DDX10: variants seen among roughly 807,000 people sequenced by gnomAD.
The protein encoded by DDX10 is DEAD-box helicase 10.
Under a neutral mutation model 104.3 loss-of-function variants are expected in DDX10, and 74 were observed. The observed-to-expected ratio is 0.71, with a 90% CI of 0.59 to 0.86. The LOEUF is 0.86. Among genes scored for constraint, DDX10 ranks in the 40% least tolerant of loss-of-function variants. The pLI is 0.00. For synonymous variants in DDX10, 351 were observed against 353.4 expected, an observed-to-expected ratio of 0.99 and a Z score of 0.08; for missense variants, 952 against 1,040.0, an observed-to-expected ratio of 0.92 and a Z score of 1.16.
chr11:108,832,483 T>C (rs1862486004), intron 13 of DDX10, among the ~76,000 whole-genome samples: 1 of 152,152 alleles, frequency 6.6e-6, no homozygotes, highest in Non-Finnish European at 1.5e-5. Flanking sequence ...CTTGATAAAT[T>C]AAATGCCAGG....
At chr11:108,748,406 C>T (rs1355548647) in intron 13 of DDX10, among the ~76,000 whole-genome samples, 3 of 152,196 alleles carry the variant, frequency 2.0e-5, no homozygotes, top group African/African-American at 7.2e-5. Flanking sequence ...CATTGAAGAT[C>T]TGGACAACAC....
intron 16 of DDX10, among the ~76,000 whole-genome samples, chr11:108,886,089 T>G (rs1403048020): frequency 6.6e-6 from 1 of 152,176 alleles, no homozygotes; most frequent in African/African-American, 2.4e-5. Flanking sequence ...AATTTACCCA[T>G]GTATAATACC....
Position 108,838,525 on chromosome 11 carries a change from T to G in DDX10, c.2045T>G (p.Phe682Cys), listed in dbSNP as rs1862592215. The change falls in exon 14 of 18, where the codon TTT (phenylalanine) becomes TGT (cysteine). Residue 682 changes from phenylalanine to cysteine, a missense_variant. This residue lies in a region of DDX10 where 533 missense variants were observed against 534.1 expected (regional missense o/e 1.00). Coordinates refer to ENST00000322536, the MANE Select transcript of DDX10 (RefSeq NM_004398.4). ...AEAKKVMKRN[F>C]KVNKKITFTD... The stretch of plus-strand genomic sequence containing the variant: ...GCAAAAAAAGTAATGAAGAGAAATT[T>G]TAAAGTGAATAAGAAGATAACATTT... The G allele has an allele frequency of 1.2e-6, 2 of 1,612,558 alleles. No homozygotes were observed. The highest frequency in any genetic ancestry group is 1.7e-6 in the Non-Finnish European group (2 of 1,179,322).
intron 13 of DDX10, among the ~76,000 whole-genome samples, chr11:108,811,403 G>A (rs1862178140): frequency 6.6e-6 from 1 of 152,140 alleles, no homozygotes. Flanking sequence ...TGGGGCACAG[G>A]TAAGGAAGGA....
chr11:108,924,931 G>A (rs2134670344), intron 17 of DDX10, among the ~76,000 whole-genome samples: 1 of 152,280 alleles, frequency 6.6e-6, no homozygotes, highest in African/African-American at 2.4e-5. Context: ...ATCTCATTGT[G>A]TGTAGAAAAT....
In DDX10 at chr11:108,723,318, T is replaced by A. The variant is rs1467410689; in HGVS notation, c.1821T>A (p.Leu607=). Reference sequence around the variant, plus strand: ...CAAAAGGATCTCAAGCCCCATCTCTTCCTAACACCAGTGAGGCACAGAAGA... The same window carrying A: ...CAAAAGGATCTCAAGCCCCATCTCTACCTAACACCAGTGAGGCACAGAAGA... ...AKAKGSQAPS[L]PNTSEAQKIK... is the part of the protein sequence containing the mutation. Residue 607 remains leucine (L), a synonymous_variant, in exon 13 of 18, where the codon CTT becomes CTA. Transcript: ENST00000322536. 1.2e-6 allele frequency: 2 copies of A among 1,613,954 alleles called. No individual in the cohort carries two copies. Among genetic ancestry groups the A allele is most frequent in the South Asian group, 1.1e-5 (1 of 91,074 alleles).
intron 13 of DDX10, among the ~76,000 whole-genome samples, chr11:108,772,817 C>T (rs1213149949): frequency 6.6e-6 from 1 of 152,194 alleles, no homozygotes. Context: ...GTTGCACATC[C>T]TTATGAGAAT....
intron 16 of DDX10, among the ~76,000 whole-genome samples, chr11:108,864,053 G>T (rs921344292): frequency 2.6e-5 from 4 of 152,196 alleles, no homozygotes; most frequent in African/African-American, 9.6e-5. Flanking sequence ...AACAGTAGTG[G>T]TGTTGCCTGC....
intron 13 of DDX10, among the ~76,000 whole-genome samples, chr11:108,765,681 T>C (rs2094355606): frequency 1.3e-5 from 2 of 152,372 alleles, no homozygotes; most frequent in Admixed American, 6.5e-5. Context: ...TGACACTTGC[T>C]CATGCACTTT....
intron 9 of DDX10, among the ~76,000 whole-genome samples, chr11:108,694,383 ATCTTGTGC>A (rs902147328): frequency 2.6e-5 from 4 of 152,174 alleles, no homozygotes; most frequent in Non-Finnish European, 5.9e-5. Flanking sequence ...TCTAGTCTAG[ATCTTGTGC>A]TCTTACCTTC....
At chr11:108,905,949 T>G (rs1192840297) in intron 16 of DDX10, among the ~76,000 whole-genome samples, 1 of 152,186 alleles carries the variant, frequency 6.6e-6, no homozygotes, top group African/African-American at 2.4e-5. Flanking sequence ...GGGATGGTAC[T>G]AAACCATTCA....
chr11:108,877,771 G>A (rs1239588315), intron 16 of DDX10, among the ~76,000 whole-genome samples: 3 of 152,274 alleles, frequency 2.0e-5, no homozygotes, highest in South Asian at 2.1e-4. Flanking sequence ...GGAGAATTTT[G>A]TCTTGGTAAG....
At chr11:108,927,288 A>G (rs184209468) in intron 17 of DDX10, among the ~76,000 whole-genome samples, 2 of 152,306 alleles carry the variant, frequency 1.3e-5, no homozygotes, top group African/African-American at 2.4e-5. Flanking sequence ...TCAATCCCCT[A>G]TTTTGTAATT....
chr11:108,828,208 T>C (rs1238778161), intron 13 of DDX10, among the ~76,000 whole-genome samples: 1 of 152,232 alleles, frequency 6.6e-6, no homozygotes, highest in Non-Finnish European at 1.5e-5. Flanking sequence ...TTTATTTACA[T>C]GAATAGGTTC....
intron 16 of DDX10, among the ~76,000 whole-genome samples, chr11:108,911,478 C>G (rs1863676653): frequency 6.7e-6 from 1 of 150,068 alleles, no homozygotes; most frequent in Non-Finnish European, 1.5e-5. Flanking sequence ...CCTCAGACCT[C>G]TTGTAAGGGC....
At chr11:108,668,177 A>G (rs931513049) in intron 1 of DDX10, among the ~76,000 whole-genome samples, 4 of 152,210 alleles carry the variant, frequency 2.6e-5, no homozygotes, top group Non-Finnish European at 5.9e-5. Flanking sequence ...ACTCACCACA[A>G]ATAACCCTGT....
intron 13 of DDX10, among the ~76,000 whole-genome samples, chr11:108,765,652 C>G (rs950731078): frequency 6.6e-6 from 1 of 152,228 alleles, no homozygotes; most frequent in African/African-American, 2.4e-5. Flanking sequence ...TTGCAAAATA[C>G]ATGGCTAACC....
At chr11:108,933,840 AT>A (rs1864004497) in intron 17 of DDX10, among the ~76,000 whole-genome samples, 1 of 152,220 alleles carries the variant, frequency 6.6e-6, no homozygotes, top group South Asian at 2.1e-4. Context: ...CCTGTATGAC[AT>A]ACAGTAGGCC....
intron 13 of DDX10, 153 bp from the exon 14 acceptor site, chr11:108,838,290 AAAT>A (rs1420090602): frequency 1.3e-6 from 1 of 744,666 alleles, no homozygotes; most frequent in Non-Finnish European, 2.0e-6. Context: ...TTAATAAGTC[AAAT>A]AATGTTATTC....
Sources: gnomAD v4.1 joint callset for allele counts (sites outside exome capture counted in the v4.1 genomes callset) on GRCh38, gnomAD v4.1.1 for gene constraint, gnomAD v4.1.1 regional missense constraint, MANE v1.5 for transcripts, NCBI Gene and HGNC (gene_info 2026-07-23, HGNC 2026-07-21) for gene names.